The following TCIRG1 variants were observed in gnomAD, a reference collection of about 807,000 sequenced individuals.
TCIRG1 encodes V-type proton ATPase 116 kDa subunit a 3.
Under a neutral mutation model 95.5 loss-of-function variants are expected in TCIRG1, and 86 were observed. The observed-to-expected ratio is 0.90, with a 90% CI of 0.76 to 1.08. The LOEUF (loss-of-function observed/expected upper bound fraction) is 1.08, where lower values mean the gene tolerates loss of function less well. Among genes scored for constraint, TCIRG1 ranks in the 50% least tolerant of loss-of-function variants. The pLI is 0.00. For synonymous variants in TCIRG1, 499 were observed against 501.3 expected, an observed-to-expected ratio of 1.00 and a Z score of 0.06; for missense variants, 1,069 against 1,140.2, an observed-to-expected ratio of 0.94 and a Z score of 0.90.
intron 13 of TCIRG1, 76 bp downstream of exon 13, chr11:68,048,048 C>G: frequency 7.7e-7 from 1 of 1,296,346 alleles, no homozygotes; most frequent in Non-Finnish European, 1.1e-6. Flanking sequence ...TCGGTTCAGC[C>G]GTCCTGCAGC....
At chr11:68,047,411 G>T (rs1345255542) in intron 10 of TCIRG1, 22 bp from the exon 11 acceptor site, 8 of 1,613,258 alleles carry the variant, frequency 5.0e-6, no homozygotes, top group Non-Finnish European at 6.8e-6. Flanking sequence ...GGGGTTCCCA[G>T]CTCACCCACC....
At chr11:68,041,099 G>A (rs375449432) in intron 1 of TCIRG1, among the ~76,000 whole-genome samples, 169 bp from the exon 2 acceptor site, 151 of 152,216 alleles carry the variant, frequency 9.9e-4, no homozygotes, top group Non-Finnish European at 2.0e-3. Flanking sequence ...TACTTTCTGC[G>A]TGACCTCAGC....
intron 2 of TCIRG1, 122 bp downstream of exon 2, chr11:68,041,510 C>G (rs938436163): frequency 8.6e-6 from 7 of 817,794 alleles, no homozygotes; most frequent in Non-Finnish European, 1.4e-5. Context: ...CCCCAGCGGC[C>G]CCTGCCATGG....
chr11:68,044,454 G>GCTCCTT, intron 9 of TCIRG1, 110 bp downstream of exon 9: 1 of 897,554 alleles, frequency 1.1e-6, no homozygotes, highest in Non-Finnish European at 1.7e-6. Flanking sequence ...TTGCCTAGGG[G>GCTCCTT]CTCCTTCTCC....
At chr11:68,040,190 C>A (rs972250094) in intron 1 of TCIRG1, among the ~76,000 whole-genome samples, 1 of 152,220 alleles carries the variant, frequency 6.6e-6, no homozygotes, top group Non-Finnish European at 1.5e-5. Context: ...AGGGGTGCCA[C>A]GTCCCATTCA....
chr11:68,040,461 G>A (rs1188218513), intron 1 of TCIRG1, among the ~76,000 whole-genome samples: 2 of 152,250 alleles, frequency 1.3e-5, no homozygotes, highest in African/African-American at 2.4e-5. Flanking sequence ...ACCAGACCCA[G>A]GGGAGGAAGT....
chr11:68,049,338 G>A, intron 15 of TCIRG1, 44 bp downstream of exon 15: 1 of 1,558,142 alleles, frequency 6.4e-7, no homozygotes, highest in Non-Finnish European at 8.7e-7. Context: ...GGCCTCATGG[G>A]GACCCCGCGG....
At chr11:68,040,813 C>T (rs867060629) in intron 1 of TCIRG1, among the ~76,000 whole-genome samples, 10 of 152,192 alleles carry the variant, frequency 6.6e-5, no homozygotes, top group Non-Finnish European at 1.5e-4. Context: ...GGTGGAGATG[C>T]CCGCTCCTAC....
chr11:68,048,111 G>A, intron 13 of TCIRG1, 139 bp downstream of exon 13: 1 of 804,098 alleles, frequency 1.2e-6, no homozygotes, highest in Non-Finnish European at 2.1e-6. Context: ...ACAAGAGGCA[G>A]ACAAGCCTCC....
At chr11:68,039,416 C>G (rs1208003823) in intron 1 of TCIRG1, among the ~76,000 whole-genome samples, 1 of 152,214 alleles carries the variant, frequency 6.6e-6, no homozygotes, top group Non-Finnish European at 1.5e-5. Context: ...GAAGCTGAGA[C>G]CACACAACTA....
In TCIRG1 at chr11:68,049,693, G is replaced by A; in HGVS notation, c.1918G>A (p.Ala640Thr). 1 of 1,600,124 alleles carries A rather than the reference G, an allele frequency of 6.2e-7. No homozygotes were observed. The highest frequency in any genetic ancestry group is 1.7e-5 in the Admixed American group (1 of 59,610). ...EVVQATLVVL[A>T]LAMVPILLLG... ...GGTCCAGGCCACGCTGGTGGTCCTG[G>A]CCTTGGCCATGGTGCCCATCCTGCT... Residue 640 changes from alanine to threonine, a missense_variant, in exon 16 of 20, where the codon GCC (alanine) becomes ACC (threonine). Physicochemically the swap from Ala to Thr is moderately conservative, Grantham distance 58 (BLOSUM62 0). Coordinates refer to ENST00000265686, the MANE Select transcript of TCIRG1 (RefSeq NM_006019.4).
chr11:68,048,366 T>C, intron 13 of TCIRG1: 1 of 345,114 alleles, frequency 2.9e-6, no homozygotes, highest in South Asian at 2.4e-5. Flanking sequence ...TGATCTTGGC[T>C]CACTGCAACC....
chr11:68,050,697 A>AG lies in TCIRG1; in HGVS notation c.2414+35dup, dbSNP rs753616676. 1.9e-6 allele frequency: 3 copies of AG among 1,613,650 alleles called. No homozygotes were observed. The African/African-American group carries it at 4.0e-5, about 22-fold the overall frequency. Reference sequence around the variant, plus strand: ...ACCACCCACTGGCCTGGGCTGCTCAAGGCGTGAGTTCCCCTCACCAACCCC... The same window carrying AG: ...ACCACCCACTGGCCTGGGCTGCTCAAGGGCGTGAGTTCCCCTCACCAACCCC... On this transcript the variant is annotated intron_variant, in intron 19 of 19. Coordinates refer to ENST00000265686, the MANE Select transcript of TCIRG1 (RefSeq NM_006019.4).
intron 14 of TCIRG1, 30 bp from the exon 15 acceptor site, chr11:68,049,051 C>T (rs766060469): frequency 6.2e-7 from 1 of 1,612,670 alleles, no homozygotes; most frequent in Non-Finnish European, 8.5e-7. Context: ...GAGTGGGCCC[C>T]AGTGAGCACA....
At chr11:68,051,513 A>G (rs1186151117), downstream of TCIRG1, among the ~76,000 whole-genome samples, 4 of 152,004 alleles carry the variant, frequency 2.6e-5, no homozygotes, top group African/African-American at 7.3e-5. Context: ...CCTGGGTCCC[A>G]CCCCCACTGG....
chr11:68,049,943 C>G lies in TCIRG1; in HGVS notation c.2014-19C>G, dbSNP rs764795758. On this transcript the variant is annotated intron_variant, in intron 16 of 19. Coordinates refer to ENST00000265686, the MANE Select transcript of TCIRG1 (RefSeq NM_006019.4). ...TCCTGGGGCTGGAGTGCTGCCAACA[C>G]TGCCTGCTCATGCCCCAGGAGGAAA... 1.2e-6 allele frequency: 2 copies of G among 1,601,488 alleles called. No individual in the cohort carries two copies. Among genetic ancestry groups the G allele is most frequent in the Non-Finnish European group, 1.7e-6 (2 of 1,175,150 alleles).
At chr11:68,044,561 T>G (rs1855375064) in intron 9 of TCIRG1, among the ~76,000 whole-genome samples, 1 of 152,154 alleles carries the variant, frequency 6.6e-6, no homozygotes, top group Non-Finnish European at 1.5e-5. Context: ...CCCTGGAGGC[T>G]GCACAGGATA....
rs749654126 is a variant in TCIRG1, at chr11:68,050,238, G to C, written c.2220G>C (p.Leu740=). 6.2e-7 allele frequency: 1 copy of C among 1,613,072 alleles called. No homozygotes were observed. Among genetic ancestry groups the C allele is most frequent in the African/African-American group, 1.3e-5 (1 of 74,930 alleles). Residue 740 remains leucine, a synonymous_variant, in exon 18 of 20, where the codon CTG becomes CTC. Transcript: ENST00000265686. ...NTASYLRLWA[L]SLAHAQLSEV... Reference sequence around the variant, plus strand: ...CCTCCTACCTGCGCCTGTGGGCCCTGAGCCTGGCCCACGCCCGTGAGTGAC... The same window carrying C: ...CCTCCTACCTGCGCCTGTGGGCCCTCAGCCTGGCCCACGCCCGTGAGTGAC...
chr11:68,048,813 C>G (rs775453257), intron 13 of TCIRG1, 66 bp from the exon 14 acceptor site: 1 of 1,169,278 alleles, frequency 8.6e-7, no homozygotes, highest in Non-Finnish European at 1.3e-6. Flanking sequence ...TGACTCGGGC[C>G]GGGGACTTCC....
Sources: gnomAD v4.1 joint callset for allele counts (sites outside exome capture counted in the v4.1 genomes callset) on GRCh38, gnomAD v4.1.1 for gene constraint, MANE v1.5 for transcripts, NCBI Gene and HGNC (gene_info 2026-07-23, HGNC 2026-07-21) for gene names.